The following DLG2 variants were observed in gnomAD, a reference collection of about 807,000 sequenced individuals.
DLG2 encodes discs large MAGUK scaffold protein 2, also known as disks large homolog 2.
In DLG2, 45 loss-of-function variants were observed where a neutral mutation model predicts 132.5. That is an observed-to-expected ratio of 0.34 (90% CI 0.27 to 0.44). DLG2 has a LOEUF of 0.44. DLG2 is among the 20% of genes least tolerant of loss of function. The pLI is 1.00. For synonymous variants in DLG2, 424 were observed against 419.6 expected (o/e 1.01, Z -0.13); for missense variants, 1,045 against 1,196.9 (o/e 0.87, Z 1.87).
intron 6 of DLG2, among the ~76,000 whole-genome samples, chr11:84,585,988 T>C (rs896218081): frequency 6.6e-6 from 1 of 152,100 alleles, no homozygotes; most frequent in Non-Finnish European, 1.5e-5. Flanking sequence ...CTGTCTCTAC[T>C]AAAAATACAA....
chr11:84,711,149 T>C (rs1047684440), intron 6 of DLG2, among the ~76,000 whole-genome samples: 7 of 151,486 alleles, frequency 4.6e-5, no homozygotes, highest in African/African-American at 1.7e-4. Context: ...CATAACCTTA[T>C]GAGGAAACTA....
chr11:84,928,191 G>A (rs544892757), intron 6 of DLG2, among the ~76,000 whole-genome samples: 57 of 151,982 alleles, frequency 3.8e-4, no homozygotes, highest in Non-Finnish European at 6.5e-4. Flanking sequence ...ACTTGAGAAA[G>A]GAACTATATA....
At chr11:83,730,489 C>T (rs1033223625) in intron 18 of DLG2, among the ~76,000 whole-genome samples, 3 of 152,072 alleles carry the variant, frequency 2.0e-5, no homozygotes, top group Admixed American at 6.6e-5. Flanking sequence ...ACTCTCTGCC[C>T]TCCATTTTCC....
At chr11:84,885,898 T>C (rs1468440706) in intron 6 of DLG2, among the ~76,000 whole-genome samples, 1 of 152,184 alleles carries the variant, frequency 6.6e-6, no homozygotes, top group African/African-American at 2.4e-5. Context: ...TCTCAATAGA[T>C]ACATGAAATA....
At chr11:85,337,071 C>A (rs769841360) in intron 3 of DLG2, among the ~76,000 whole-genome samples, 3 of 152,178 alleles carry the variant, frequency 2.0e-5, no homozygotes, top group Admixed American at 6.5e-5. Flanking sequence ...TCAACTGAAC[C>A]AAAATTTGCG....
chr11:84,298,267 A>G (rs2098115424), intron 7 of DLG2, among the ~76,000 whole-genome samples: 2 of 151,992 alleles, frequency 1.3e-5, no homozygotes, highest in African/African-American at 2.4e-5. Context: ...TGTGAAAATT[A>G]TATGTTTCAT....
chr11:83,536,590 A>G (rs2095883686), intron 20 of DLG2, among the ~76,000 whole-genome samples: 1 of 150,950 alleles, frequency 6.6e-6, no homozygotes, highest in Admixed American at 6.6e-5. Context: ...TCTGGCAACT[A>G]AAGCTCAAAT....
At chr11:84,558,883 G>C (rs767383051) in intron 6 of DLG2, among the ~76,000 whole-genome samples, 1 of 152,214 alleles carries the variant, frequency 6.6e-6, no homozygotes, top group East Asian at 1.9e-4. Flanking sequence ...CTCTTCCAAA[G>C]ACTTCAGGGT....
At chr11:83,460,370 C>T (rs142158349) in intron 27 of DLG2, among the ~76,000 whole-genome samples, 109 of 152,194 alleles carry the variant, frequency 7.2e-4, no homozygotes, top group East Asian at 6.6e-3. Context: ...TTGTAGACAC[C>T]GAGGAAATAA....
chr11:83,659,226 A>G (rs973023228), intron 18 of DLG2, among the ~76,000 whole-genome samples: 11 of 152,190 alleles, frequency 7.2e-5, no homozygotes, highest in African/African-American at 2.7e-4. Context: ...CAAGTCTATA[A>G]GGTAGGTACT....
chr11:85,074,543 C>T (rs1274473441), intron 6 of DLG2, among the ~76,000 whole-genome samples: 1 of 151,780 alleles, frequency 6.6e-6, no homozygotes, highest in East Asian at 1.9e-4. Flanking sequence ...AGGATTCATC[C>T]TTATATACAT....
At chr11:85,276,350 A>T (rs1344122683) in intron 4 of DLG2, among the ~76,000 whole-genome samples, 3 of 152,166 alleles carry the variant, frequency 2.0e-5, no homozygotes, top group Non-Finnish European at 2.9e-5. Flanking sequence ...TGTTTAAAAG[A>T]GGTCAAATTA....
chr11:85,247,178 G>C (rs1175273121), intron 4 of DLG2, among the ~76,000 whole-genome samples: 1 of 152,002 alleles, frequency 6.6e-6, no homozygotes, highest in Non-Finnish European at 1.5e-5. Flanking sequence ...TACAATATAA[G>C]CGTAGCCTTT....
At chr11:83,460,360 T>C (rs1000633832) in intron 27 of DLG2, among the ~76,000 whole-genome samples, 1 of 152,190 alleles carries the variant, frequency 6.6e-6, no homozygotes, top group Non-Finnish European at 1.5e-5. Context: ...AATTCAGATA[T>C]TGTAGACACC....
chr11:83,794,917 T>C (rs1292447097), intron 17 of DLG2, among the ~76,000 whole-genome samples: 1 of 152,166 alleles, frequency 6.6e-6, no homozygotes, highest in Non-Finnish European at 1.5e-5. Flanking sequence ...TCAAGCTCCC[T>C]GAGACTGGCA....
At chr11:85,134,378 A>T (rs1407278183) in intron 5 of DLG2, among the ~76,000 whole-genome samples, 1 of 150,348 alleles carries the variant, frequency 6.7e-6, no homozygotes, top group African/African-American at 2.4e-5. Flanking sequence ...AAATACAAAA[A>T]ATTAGCCGGG....
chr11:84,410,605 A>G (rs2098896043), intron 7 of DLG2, among the ~76,000 whole-genome samples: 1 of 140,192 alleles, frequency 7.1e-6, no homozygotes, highest in South Asian at 2.2e-4. Context: ...TTTGAGATGA[A>G]GTTTCGCTTT....
intron 3 of DLG2, among the ~76,000 whole-genome samples, chr11:85,394,666 A>G (rs891487756): frequency 4.6e-5 from 7 of 152,228 alleles, no homozygotes; most frequent in African/African-American, 1.4e-4. Context: ...GAATCACTGA[A>G]TAAGGCCCAG....
At chr11:85,324,537 A>T (rs567727627) in intron 3 of DLG2, among the ~76,000 whole-genome samples, 1 of 152,182 alleles carries the variant, frequency 6.6e-6, no homozygotes, top group Non-Finnish European at 1.5e-5. Context: ...CTTTCGGAGC[A>T]TCATCCCCAT....
Sources: gnomAD v4.1 joint callset for allele counts (sites outside exome capture counted in the v4.1 genomes callset) on GRCh38, gnomAD v4.1.1 for gene constraint, MANE v1.5 for transcripts, NCBI Gene and HGNC (gene_info 2026-07-23, HGNC 2026-07-21) for gene names.